TSPAN18: variants seen among roughly 807,000 people sequenced by gnomAD.
The protein encoded by TSPAN18 is tetraspanin-18.
A neutral mutation model predicts 27.3 loss-of-function variants in TSPAN18; 14 were observed. The ratio of observed to expected loss-of-function variants is 0.51; its 90% CI spans 0.34 to 0.80. The LOEUF is 0.80. TSPAN18 is among the 30% of genes least tolerant of loss of function. The pLI is 0.01. For missense variants in TSPAN18, 268 were observed against 323.9 expected, an observed-to-expected ratio of 0.83 and a Z score of 1.32; for synonymous variants, 143 against 136.5, an observed-to-expected ratio of 1.05 and a Z score of -0.33.
intron 2 of TSPAN18, among the ~76,000 whole-genome samples, chr11:44,804,673 T>C (rs930469639): frequency 5.3e-5 from 8 of 152,168 alleles, no homozygotes; most frequent in Non-Finnish European, 7.3e-5. Flanking sequence ...AGAGCTCCCC[T>C]CTGGTAGCTG....
intron 2 of TSPAN18, among the ~76,000 whole-genome samples, chr11:44,775,511 T>C (rs1855784753): frequency 6.6e-6 from 1 of 152,120 alleles, no homozygotes; most frequent in African/African-American, 2.4e-5. Context: ...CGAATCCCTA[T>C]AGGTCCTCTC....
At chr11:44,928,642 T>G (rs1277687212) in intron 9 of TSPAN18, among the ~76,000 whole-genome samples, 1 of 152,092 alleles carries the variant, frequency 6.6e-6, no homozygotes, top group African/African-American at 2.4e-5. Context: ...AAAAATCAGC[T>G]GGGCGTGGTG....
rs551304061 is a variant in TSPAN18, at chr11:44,762,989, C to T, written c.-239-1437C>T. Among the ~76,000 whole-genome samples the T allele has an allele frequency of 5.9e-5, 9 of 152,252 alleles. No homozygotes were observed. The South Asian group carries it at 1.5e-3, about 25-fold the overall frequency. On this transcript the variant is annotated intron_variant, in intron 1 of 9. Coordinates refer to ENST00000520358, the MANE Select transcript of TSPAN18 (RefSeq NM_130783.5). ...CCCACTGTGGAGATGGCACTAGCAC[C>T]GGGCTTGACTTCCCACAGCCAAAGT...
intron 2 of TSPAN18, among the ~76,000 whole-genome samples, chr11:44,820,315 C>T (rs1856900878): frequency 6.6e-6 from 1 of 152,228 alleles, no homozygotes; most frequent in South Asian, 2.1e-4. Context: ...GTGGGGCCTT[C>T]CACACCCAGC....
Position 44,929,227 on chromosome 11 carries a change from C to T in TSPAN18, c.*49C>T, listed in dbSNP as rs776108317. The stretch of plus-strand genomic sequence containing the variant: ...ACTCGCCCCACCCACCACTGCCCAG[C>T]ACCCAGTGTCCTCCCGTGCCCCTCC... On this transcript the variant is annotated 3_prime_UTR_variant, in exon 10 of 10. Coordinates refer to ENST00000520358, the MANE Select transcript of TSPAN18 (RefSeq NM_130783.5). 1.9e-6 allele frequency: 3 copies of T among 1,611,226 alleles called. No individual in the cohort carries two copies. Among genetic ancestry groups the T allele is most frequent in the African/African-American group, 1.3e-5 (1 of 74,926 alleles).
At chr11:44,927,334 A>ATCTGGGATCTCCATCT (rs1267934873) in intron 9 of TSPAN18, among the ~76,000 whole-genome samples, 1 of 152,154 alleles carries the variant, frequency 6.6e-6, no homozygotes, top group African/African-American at 2.4e-5. Flanking sequence ...GATCTCCATC[A>ATCTGGGATCTCCATCT]TCTGGGATCT....
chr11:44,908,777 A>G lies in TSPAN18; in HGVS notation c.64-928A>G, dbSNP rs1373678716. Reference sequence around the variant, plus strand: ...GAGAGAGAGAGAGAAAGGAGAAAGAAAGAAAGAAAGAAAGAAAGAAAGAAA... The same window carrying G: ...GAGAGAGAGAGAGAAAGGAGAAAGAGAGAAAGAAAGAAAGAAAGAAAGAAA... On this transcript the variant is annotated intron_variant, in intron 4 of 9. Transcript: ENST00000520358. Among the ~76,000 whole-genome samples the G allele has an allele frequency of 2.0e-4, 23 of 113,434 alleles. 1 individual carries two copies. Among genetic ancestry groups the G allele is most frequent in the Non-Finnish European group, 3.4e-4 (19 of 56,548 alleles). 74.4% of individuals were successfully genotyped at this position (113,434 alleles called of 152,430 possible). A position where few individuals can be genotyped will look rare whatever the true frequency, so the allele number is the denominator to read the frequency against.
At chr11:44,926,203 C>T (rs946473846) in intron 8 of TSPAN18, among the ~76,000 whole-genome samples, 5 of 151,998 alleles carry the variant, frequency 3.3e-5, no homozygotes, top group Admixed American at 6.6e-5. Flanking sequence ...AACAGTAGAG[C>T]GAGTGGGTGT....
At chr11:44,733,001 C>T (rs187073960) in intron 1 of TSPAN18, among the ~76,000 whole-genome samples, 3 of 152,254 alleles carry the variant, frequency 2.0e-5, no homozygotes, top group African/African-American at 7.2e-5. Flanking sequence ...ATGTGGCATC[C>T]AAAGTTACTG....
intron 3 of TSPAN18, among the ~76,000 whole-genome samples, chr11:44,890,143 G>T (rs1261555559): frequency 1.3e-5 from 2 of 152,226 alleles, no homozygotes; most frequent in Admixed American, 1.3e-4. Flanking sequence ...TGATCTGGGG[G>T]AAGGACGGGA....
At chr11:44,745,717 A>G (rs1325159057) in intron 1 of TSPAN18, among the ~76,000 whole-genome samples, 1 of 152,168 alleles carries the variant, frequency 6.6e-6, no homozygotes, top group East Asian at 1.9e-4. Flanking sequence ...ACTTCAACGA[A>G]AAAAATTCTA....
intron 2 of TSPAN18, among the ~76,000 whole-genome samples, chr11:44,856,165 G>A (rs974121566): frequency 3.3e-5 from 5 of 152,116 alleles, no homozygotes; most frequent in African/African-American, 1.2e-4. Context: ...TTACAGGCAT[G>A]AGCCACCGTG....
intron 2 of TSPAN18, among the ~76,000 whole-genome samples, chr11:44,787,349 G>A (rs57707174): frequency 0.018 from 2,699 of 152,302 alleles, 80 homozygotes; most frequent in African/African-American, 0.06. Context: ...TTGCAATTCA[G>A]AGTCACCTTA....
chr11:44,740,044 T>G lies in TSPAN18; in HGVS notation c.-240+12757T>G, dbSNP rs548615443. The stretch of plus-strand genomic sequence containing the variant: ...GCCCCTTTCCTGATGTCCCACCAAA[T>G]GGACAATCTGCAGAGACACCTATGG... On this transcript the variant is annotated intron_variant, in intron 1 of 9. Coordinates refer to ENST00000520358, the MANE Select transcript of TSPAN18 (RefSeq NM_130783.5). 2.6e-4 allele frequency among the ~76,000 whole-genome samples: 40 copies of G among 152,326 alleles called. No individual in the cohort carries two copies. The South Asian group carries it at 5.0e-3, about 19-fold the overall frequency.
chr11:44,791,945 T>C (rs571216777), intron 2 of TSPAN18, among the ~76,000 whole-genome samples: 2 of 152,298 alleles, frequency 1.3e-5, no homozygotes, highest in East Asian at 1.9e-4. Context: ...AAAATACTTA[T>C]TGAGCACCTA....
intron 1 of TSPAN18, among the ~76,000 whole-genome samples, chr11:44,752,247 CCT>C (rs1353100474): frequency 6.6e-6 from 1 of 152,214 alleles, no homozygotes; most frequent in East Asian, 1.9e-4. Context: ...GTGATGAAGT[CCT>C]CTCTGTTTTA....
chr11:44,841,393 T>C (rs562723656), intron 2 of TSPAN18, among the ~76,000 whole-genome samples: 2 of 152,098 alleles, frequency 1.3e-5, no homozygotes, highest in Admixed American at 6.5e-5. Context: ...GATGGGTGCC[T>C]GTAATCCAAG....
intron 1 of TSPAN18, among the ~76,000 whole-genome samples, chr11:44,753,368 G>A (rs1371110735): frequency 5.3e-5 from 8 of 152,170 alleles, no homozygotes; most frequent in African/African-American, 1.9e-4. Context: ...CTGACCTCAC[G>A]ATCCGCCCGC....
At chr11:44,903,627 G>A (rs2135318624) in intron 3 of TSPAN18, 1 of 456,698 alleles carries the variant, frequency 2.2e-6, no homozygotes, top group Non-Finnish European at 4.4e-6. Context: ...AAGGCCAGGA[G>A]CAGGGCTGAG....
Sources: allele counts gnomAD v4.1 joint callset (sites outside exome capture counted in the v4.1 genomes callset), GRCh38; gene constraint gnomAD v4.1.1; transcripts MANE v1.5; gene names NCBI Gene and HGNC (gene_info 2026-07-23, HGNC 2026-07-21).